Variants in ATG14 observed in about 807,000 individuals in gnomAD.
ATG14 encodes beclin 1-associated autophagy-related key regulator.
A neutral mutation model predicts 60.4 loss-of-function variants in ATG14; 35 were observed. The ratio of observed to expected loss-of-function variants is 0.58; its 90% CI spans 0.44 to 0.77. The LOEUF is 0.77. Among genes scored for constraint, ATG14 ranks in the 30% least tolerant of loss-of-function variants. ATG14 has a pLI of 0.00. For missense variants in ATG14, 647 were observed against 626.3 expected (o/e 1.03, Z -0.35); for synonymous variants, 234 against 228.8 (o/e 1.02, Z -0.21).
chr14:55,402,175 C>T (rs557540617), intron 1 of ATG14, among the ~76,000 whole-genome samples: 1 of 152,288 alleles, frequency 6.6e-6, no homozygotes, highest in Non-Finnish European at 1.5e-5. Flanking sequence ...CCACAATTTA[C>T]TGAGCACTTA....
chr14:55,402,970 A>ATATATATATATATAT lies in ATG14; in HGVS notation c.222-5537_222-5536insATATATATATATATA, dbSNP rs1566585833. Reference sequence around the variant, plus strand: ...ATATATATATATATATATATATATAAATAGCTGGGCATAGTGGTGCATGGC... The same window carrying ATATATATATATATAT: ...ATATATATATATATATATATATATAATATATATATATATATATAGCTGGGCATAGTGGTGCATGGC... On this transcript the variant is annotated intron_variant, in intron 1 of 9. Coordinates refer to ENST00000247178, the MANE Select transcript of ATG14 (RefSeq NM_014924.5). 5.5e-4 allele frequency among the ~76,000 whole-genome samples: 38 copies of ATATATATATATATAT among 69,448 alleles called. 1 individual carries two copies. Among genetic ancestry groups the ATATATATATATATAT allele is most frequent in the Non-Finnish European group, 9.2e-4 (31 of 33,790 alleles). 45.6% of individuals were successfully genotyped at this position (69,448 alleles called of 152,430 possible).
rs1255542675 is a variant in ATG14, at chr14:55,374,708, A to G, written c.1172+3111T>C. ...TCTGGATTTTATTTTTGTATATAGA[A>G]TGTGGTATGAACTCAACTTTTCCCC... On this transcript the variant is annotated intron_variant, in intron 9 of 9. Transcript: ENST00000247178. 2.6e-5 allele frequency among the ~76,000 whole-genome samples: 4 copies of G among 152,144 alleles called. No homozygotes were observed. The East Asian group carries it at 7.7e-4, about 29-fold the overall frequency.
intron 4 of ATG14, 47 bp downstream of exon 4, chr14:55,390,864 C>T (rs761751799): frequency 7.5e-7 from 1 of 1,335,564 alleles, no homozygotes; most frequent in South Asian, 1.3e-5. Flanking sequence ...CATGAAATTC[C>T]ACATAGGCAC....
At chr14:55,371,828 GC>G (rs746878543) in intron 9 of ATG14, among the ~76,000 whole-genome samples, 4 of 151,900 alleles carry the variant, frequency 2.6e-5, no homozygotes, top group Non-Finnish European at 4.4e-5. Flanking sequence ...AAAACAAAGA[GC>G]CCCTCAGACT....
intron 5 of ATG14, among the ~76,000 whole-genome samples, chr14:55,383,591 A>C (rs555926478): frequency 6.5e-4 from 98 of 151,564 alleles, no homozygotes; most frequent in South Asian, 1.0e-3. Flanking sequence ...ACAACAACAA[A>C]AAAAACCCCC....
Position 55,369,761 on chromosome 14 carries a change from A to G in ATG14, c.1337T>C (p.Ile446Thr). The G allele has an allele frequency of 1.2e-6, 2 of 1,614,164 alleles. No homozygotes were observed. Among genetic ancestry groups the G allele is most frequent in the Non-Finnish European group, 1.7e-6 (2 of 1,180,016 alleles). Residue 446 changes from isoleucine to threonine, a missense_variant, in exon 10 of 10, where the codon ATC becomes ACC. Physicochemically the swap from Ile to Thr is moderately conservative, Grantham distance 89 (BLOSUM62 -1). Coordinates refer to ENST00000247178, the MANE Select transcript of ATG14 (RefSeq NM_014924.5). ...GGAGACTTCCACAGACTGGGAAGGG[A>G]TATCACAAAACCGGGGACTAGGCAA... ...ENLPSPRFCD[I>T]PSQSVEVSQS...
chr14:55,392,195 C>T (rs1433734524), intron 3 of ATG14, among the ~76,000 whole-genome samples: 1 of 152,162 alleles, frequency 6.6e-6, no homozygotes, highest in African/African-American at 2.4e-5. Context: ...AAACTAATGC[C>T]ACCACTGATC....
intron 3 of ATG14, among the ~76,000 whole-genome samples, chr14:55,393,503 C>G (rs1434808982): frequency 6.6e-6 from 1 of 151,538 alleles, no homozygotes; most frequent in Non-Finnish European, 1.5e-5. Flanking sequence ...TCCCATTTCT[C>G]AGGGGTAATC....
At chr14:55,403,678 A>ACAACAT (rs1385076498) in intron 1 of ATG14, among the ~76,000 whole-genome samples, 2 of 152,196 alleles carry the variant, frequency 1.3e-5, no homozygotes, top group African/African-American at 4.8e-5. Flanking sequence ...CAAAACAACA[A>ACAACAT]CAACATCAAC....
intron 1 of ATG14, among the ~76,000 whole-genome samples, chr14:55,398,174 A>C (rs905184695): frequency 2.6e-5 from 4 of 151,940 alleles, no homozygotes; most frequent in Non-Finnish European, 4.4e-5. Context: ...GATGGTCTCG[A>C]TCTCCTGACC....
chr14:55,411,690 G>T lies in ATG14; in HGVS notation c.133C>A (p.Leu45Met). 1 of 1,613,158 alleles carries T rather than the reference G, an allele frequency of 6.2e-7. No homozygotes were observed. Among genetic ancestry groups the T allele is most frequent in the Non-Finnish European group, 8.5e-7 (1 of 1,179,810 alleles). The change falls in exon 1 of 10, where the codon CTG becomes ATG. Residue 45 changes from leucine (L) to methionine (M), a missense_variant. Coordinates refer to ENST00000247178, the MANE Select transcript of ATG14 (RefSeq NM_014924.5). ...AGCCGCCGGCGGGTAGTGTTGCACA[G>T]CGGGCAGCGCTCCACAGCCACGTAC... ...GLYVAVERCP[L>M]CNTTRRRLTC...
intron 4 of ATG14, among the ~76,000 whole-genome samples, chr14:55,389,203 T>A (rs1049142747): frequency 1.3e-5 from 2 of 152,234 alleles, no homozygotes; most frequent in Non-Finnish European, 2.9e-5. Context: ...GCTTTTAACA[T>A]GCTCATCAGA....
rs1344958851 is a variant in ATG14, at chr14:55,369,174, T to G, written c.*445A>C. 1 of 153,628 alleles carries G rather than the reference T, an allele frequency of 6.5e-6. No homozygotes were observed. The highest frequency in any genetic ancestry group is 1.5e-5 in the Non-Finnish European group (1 of 68,722). 9.5% of individuals were successfully genotyped at this position (153,628 alleles called of 1,614,324 possible). On this transcript the variant is annotated 3_prime_UTR_variant, in exon 10 of 10. Coordinates refer to ENST00000247178, the MANE Select transcript of ATG14 (RefSeq NM_014924.5). The stretch of plus-strand genomic sequence containing the variant: ...AAAAACTCTTATTAAAGAGCTTTTA[T>G]CTTTCATGTCCTAATAATCAAGAAT...
intron 1 of ATG14, among the ~76,000 whole-genome samples, chr14:55,402,376 T>TA (rs559714309): frequency 2.6e-5 from 4 of 151,090 alleles, no homozygotes; most frequent in East Asian, 3.9e-4. Flanking sequence ...ATTGAGGGCC[T>TA]AAAAAAAAAT....
chr14:55,391,441 A>G (rs1885215399), intron 3 of ATG14: 1 of 148,728 alleles, frequency 6.7e-6, no homozygotes, highest in Non-Finnish European at 1.5e-5. Flanking sequence ...ACGCCACTGC[A>G]GTCCAGCCTG....
chr14:55,395,400 T>C (rs916025723), intron 3 of ATG14, among the ~76,000 whole-genome samples: 34 of 152,380 alleles, frequency 2.2e-4, no homozygotes, highest in Admixed American at 1.6e-3. Flanking sequence ...TTGCCCAGGC[T>C]GGAGTGCTGT....
In ATG14 at chr14:55,366,867, A is replaced by G. The variant is rs1474843801; in HGVS notation, c.*2752T>C. The G allele has an allele frequency of 6.6e-6, 1 of 152,644 alleles. No homozygotes were observed. Among genetic ancestry groups the G allele is most frequent in the East Asian group, 1.9e-4 (1 of 5,202 alleles). 9.5% of individuals were successfully genotyped at this position (152,644 alleles called of 1,614,324 possible). A position where few individuals can be genotyped will look rare whatever the true frequency, so the allele number is the denominator to read the frequency against. ...ACATGAAAGATTTTAATGAGCAGCA[A>G]AAAGAGTAGAAAAAACAGTGGTTGA... On this transcript the variant is annotated 3_prime_UTR_variant, in exon 10 of 10. Transcript: ENST00000247178.
chr14:55,375,438 T>C (rs1668631923), intron 9 of ATG14, among the ~76,000 whole-genome samples: 1 of 148,818 alleles, frequency 6.7e-6, no homozygotes, highest in Non-Finnish European at 1.5e-5. Flanking sequence ...CCCTCCCACC[T>C]CAGCCTCCAC....
chr14:55,397,945 T>TTC (rs1381897685), intron 1 of ATG14, among the ~76,000 whole-genome samples: 2 of 125,420 alleles, frequency 1.6e-5, no homozygotes, highest in African/African-American at 3.5e-5. Context: ...CAGTAATTCT[T>TTC]TTTTTTTTTT....
Sources: allele counts gnomAD v4.1 joint callset (sites outside exome capture counted in the v4.1 genomes callset), GRCh38; gene constraint gnomAD v4.1.1; transcripts MANE v1.5; gene names NCBI Gene and HGNC (gene_info 2026-07-23, HGNC 2026-07-21).